The following BRINP2 variants were observed in gnomAD, a reference collection of about 807,000 sequenced individuals.
BRINP2 encodes BMP/retinoic acid inducible neural specific 2, also known as BMP/retinoic acid-inducible neural-specific protein 2.
BRINP2 carries 21 observed loss-of-function variants against 69.2 expected under a neutral mutation model. The observed-to-expected ratio is 0.30, with a 90% CI of 0.22 to 0.44. The LOEUF (loss-of-function observed/expected upper bound fraction) is 0.44. Among genes scored for constraint, BRINP2 ranks in the 20% least tolerant of loss-of-function variants. BRINP2 has a pLI of 1.00. For synonymous variants in BRINP2, 380 were observed against 394.1 expected (o/e 0.96, Z 0.42); for missense variants, 877 against 986.0 (o/e 0.89, Z 1.48).
intron 2 of BRINP2, among the ~76,000 whole-genome samples, chr1:177,245,862 C>G (rs1369616069): frequency 1.3e-5 from 2 of 152,192 alleles, no homozygotes; most frequent in East Asian, 3.9e-4. Flanking sequence ...TCCTCCTCCT[C>G]CTTTAAGCTT....
chr1:177,281,453 C>G lies in BRINP2; in HGVS notation c.2277C>G (p.Ile759Met), dbSNP rs1391051872. 1 of 1,613,892 alleles carries G rather than the reference C, an allele frequency of 6.2e-7. No homozygotes were observed. Among genetic ancestry groups the G allele is most frequent in the South Asian group, 1.1e-5 (1 of 91,082 alleles). The stretch of plus-strand genomic sequence containing the variant: ...TGGCCAACAATGAGGTGGGCAGGAT[C>G]CAGTCCTCCCTGAGGGCTTTCAATT... The part of the protein sequence containing the change: ...LKLANNEVGR[I>M]QSSLRAFNSK... Residue 759 changes from isoleucine (I) to methionine (M), a missense_variant, in exon 8 of 8, where the codon ATC becomes ATG. Ile to Met is a conservative substitution (Grantham distance 10, BLOSUM62 1). Around this residue, in one of 3 missense-constraint regions of BRINP2, gnomAD observed 225 missense variants for 218.7 expected, o/e 1.03. Transcript: ENST00000361539.
At chr1:177,194,376 A>G (rs1648676373) in intron 1 of BRINP2, among the ~76,000 whole-genome samples, 1 of 152,174 alleles carries the variant, frequency 6.6e-6, no homozygotes, top group African/African-American at 2.4e-5. Context: ...CCATCCAAGG[A>G]GGATAGATAA....
chr1:177,264,117 G>A (rs1374675357), intron 4 of BRINP2, among the ~76,000 whole-genome samples: 1 of 152,132 alleles, frequency 6.6e-6, no homozygotes, highest in Non-Finnish European at 1.5e-5. Flanking sequence ...GTCAAAGTTG[G>A]AGAAAAATGG....
intron 2 of BRINP2, among the ~76,000 whole-genome samples, chr1:177,247,583 CCA>C (rs1450477650): frequency 2.0e-5 from 3 of 152,202 alleles, no homozygotes; most frequent in Non-Finnish European, 4.4e-5. Flanking sequence ...GAATAATAGC[CCA>C]GTCTCTTTCA....
At chr1:177,239,368 T>C (rs147487648) in intron 2 of BRINP2, among the ~76,000 whole-genome samples, 1 of 152,248 alleles carries the variant, frequency 6.6e-6, no homozygotes, top group Non-Finnish European at 1.5e-5. Flanking sequence ...GGTGTGTTTC[T>C]ACAAGGGTGC....
intron 1 of BRINP2, among the ~76,000 whole-genome samples, chr1:177,186,301 T>C (rs1323832986): frequency 1.3e-5 from 2 of 152,116 alleles, no homozygotes; most frequent in Admixed American, 6.5e-5. Context: ...TTCACTTCTA[T>C]GGCCCTGAGT....
chr1:177,179,609 A>T (rs137997673), intron 1 of BRINP2, among the ~76,000 whole-genome samples: 1,666 of 152,044 alleles, frequency 0.011, 21 homozygotes, highest in Middle Eastern at 0.021. Context: ...TCTTTCTCTC[A>T]CACACACACA....
At chr1:177,225,549 T>C (rs1649668483) in intron 1 of BRINP2, among the ~76,000 whole-genome samples, 1 of 152,184 alleles carries the variant, frequency 6.6e-6, no homozygotes. Context: ...CTATTTTATT[T>C]TGCTGCTTAT....
intron 2 of BRINP2, among the ~76,000 whole-genome samples, chr1:177,241,575 C>T (rs954545395): frequency 3.3e-5 from 5 of 152,144 alleles, no homozygotes; most frequent in African/African-American, 1.2e-4. Flanking sequence ...CTCCCTTTTC[C>T]ATCTTTCTTC....
intron 2 of BRINP2, among the ~76,000 whole-genome samples, chr1:177,230,775 C>T (rs1649842637): frequency 6.6e-6 from 1 of 152,204 alleles, no homozygotes; most frequent in African/African-American, 2.4e-5. Flanking sequence ...GGCACATATT[C>T]CTGGCTGCTG....
intron 3 of BRINP2, chr1:177,256,323 G>T (rs1361773046): frequency 6.1e-6 from 6 of 985,264 alleles, no homozygotes; most frequent in Non-Finnish European, 7.2e-6. Flanking sequence ...GGGGAAGTTG[G>T]GTATGGCGGT....
chr1:177,179,889 G>T (rs1397011926), intron 1 of BRINP2, among the ~76,000 whole-genome samples: 1 of 152,140 alleles, frequency 6.6e-6, no homozygotes, highest in East Asian at 1.9e-4. Flanking sequence ...GGGCAAGTTT[G>T]CTCTACAATT....
rs1558180239 is a variant in BRINP2, at chr1:177,257,376, G to A, written c.661G>A (p.Ala221Thr). 2 of 1,609,468 alleles carry A rather than the reference G, an allele frequency of 1.2e-6. No individual in the cohort carries two copies. The highest frequency in any genetic ancestry group is 2.2e-5 in the East Asian group (1 of 44,762). The change falls in exon 4 of 8, where the codon GCC (alanine) becomes ACC (threonine). Residue 221 changes from alanine (A) to threonine (T), a missense_variant. Transcript: ENST00000361539. ...RLHHIQIATG[A>T]IKVTETRTGP... ...GCACCATATCCAGATAGCCACGGGG[G>A]CCATCAAGGTAATGACCTGAGAGGT...
chr1:177,223,053 C>A (rs1649587691), intron 1 of BRINP2, among the ~76,000 whole-genome samples: 1 of 152,188 alleles, frequency 6.6e-6, no homozygotes, highest in South Asian at 2.1e-4. Context: ...AGTGATCCCC[C>A]TGACTGGAAG....
At chr1:177,190,392 C>G (rs1424704960) in intron 1 of BRINP2, among the ~76,000 whole-genome samples, 1 of 152,210 alleles carries the variant, frequency 6.6e-6, no homozygotes, top group African/African-American at 2.4e-5. Flanking sequence ...CAATCTTTCT[C>G]TCTTCCACAT....
In BRINP2 at chr1:177,255,964, G is replaced by A. The variant is rs911608318; in HGVS notation, c.315G>A (p.Lys105=). ...WKVNNLALER[K]DFFSLPLPLA... Reference sequence around the variant, plus strand: ...TGAACAACTTGGCTCTGGAAAGGAAGGACTTCTTCAGTTTGCCATTGCCTC... The same window carrying A: ...TGAACAACTTGGCTCTGGAAAGGAAAGACTTCTTCAGTTTGCCATTGCCTC... The change falls in exon 3 of 8, where the codon AAG becomes AAA. Residue 105 remains lysine, a synonymous_variant. Transcript: ENST00000361539. 1.9e-6 allele frequency: 3 copies of A among 1,614,120 alleles called. No homozygotes were observed. The African/African-American group carries it at 4.0e-5, about 22-fold the overall frequency.
chr1:177,229,892 G>C lies in BRINP2; in HGVS notation c.16G>C (p.Gly6Arg). ...CGGGAGAAGCATGAGGTGGCAGTGT[G>C]GCACTCGGTTTAGAGGGCTTCGGCC... MRWQC[G>R]TRFRGLRPAV... The change falls in exon 2 of 8, where the codon GGC becomes CGC. Residue 6 changes from glycine to arginine, a missense_variant. By Grantham distance (125) the Gly-to-Arg change is moderately radical. Around this residue, in one of 3 missense-constraint regions of BRINP2, gnomAD observed 566 missense variants for 625.2 expected, o/e 0.91. Coordinates refer to ENST00000361539, the MANE Select transcript of BRINP2 (RefSeq NM_021165.4). The C allele has an allele frequency of 1.3e-6, 2 of 1,588,732 alleles. No homozygotes were observed. Among genetic ancestry groups the C allele is most frequent in the African/African-American group, 1.3e-5 (1 of 74,544 alleles).
chr1:177,175,070 C>A (rs1307183321), intron 1 of BRINP2, among the ~76,000 whole-genome samples: 1 of 152,140 alleles, frequency 6.6e-6, no homozygotes, highest in Non-Finnish European at 1.5e-5. Flanking sequence ...CCTTGATTTT[C>A]CTTCATTTCT....
intron 1 of BRINP2, among the ~76,000 whole-genome samples, chr1:177,184,960 C>T (rs1648385956): frequency 6.6e-6 from 1 of 152,154 alleles, no homozygotes; most frequent in African/African-American, 2.4e-5. Flanking sequence ...CCCAGCCCCT[C>T]CTCCAGAGAA....
Sources: allele counts gnomAD v4.1 joint callset (sites outside exome capture counted in the v4.1 genomes callset), GRCh38; gene constraint gnomAD v4.1.1; regional missense constraint gnomAD v4.1.1; transcripts MANE v1.5; gene names NCBI Gene and HGNC (gene_info 2026-07-23, HGNC 2026-07-21).